The following DNAI3 variants were observed in gnomAD, a reference collection of about 807,000 sequenced individuals.
DNAI3 encodes dynein axonemal intermediate chain 3.
DNAI3 carries 83 observed loss-of-function variants against 115.5 expected under a neutral mutation model. That is an observed-to-expected ratio of 0.72 (90% confidence interval 0.60 to 0.86). The LOEUF (loss-of-function observed/expected upper bound fraction) is 0.86, where lower values mean the gene tolerates loss of function less well. Among genes scored for constraint, DNAI3 ranks in the 40% least tolerant of loss-of-function variants. DNAI3 has a pLI of 0.00. For synonymous variants in DNAI3, 320 were observed against 347.0 expected (o/e 0.92, Z 0.86); for missense variants, 1,004 against 1,075.8 (o/e 0.93, Z 0.93).
chr1:85,097,683 A>G, intron 12 of DNAI3, 28 bp downstream of exon 12: 2 of 1,588,416 alleles, frequency 1.3e-6, no homozygotes, highest in Non-Finnish European at 1.7e-6. Context: ...TTTCACTTGC[A>G]AGTTTTTTCC....
At chr1:85,132,407 C>T (rs989465602) in intron 22 of DNAI3, among the ~76,000 whole-genome samples, 2 of 152,224 alleles carry the variant, frequency 1.3e-5, no homozygotes, top group South Asian at 4.1e-4. Flanking sequence ...ATAATCACTG[C>T]TCTAGTTGCA....
chr1:85,088,664 C>T (rs1047462521), intron 7 of DNAI3, among the ~76,000 whole-genome samples: 1 of 152,114 alleles, frequency 6.6e-6, no homozygotes, highest in Admixed American at 6.6e-5. Context: ...AATAGAGAAA[C>T]TGAAGCAAAG....
chr1:85,090,851 G>T (rs1173900625), intron 8 of DNAI3, among the ~76,000 whole-genome samples: 1 of 152,110 alleles, frequency 6.6e-6, no homozygotes, highest in Non-Finnish European at 1.5e-5. Flanking sequence ...TTAGAGAAGT[G>T]GATCCACTGG....
At chr1:85,120,189 A>C (rs2100610300) in intron 17 of DNAI3, among the ~76,000 whole-genome samples, 1 of 152,320 alleles carries the variant, frequency 6.6e-6, no homozygotes, top group South Asian at 2.1e-4. Context: ...TTGGCAGTCC[A>C]TTGGAAGGTT....
intron 1 of DNAI3, among the ~76,000 whole-genome samples, chr1:85,067,930 A>T (rs1267312988): frequency 1.3e-5 from 2 of 152,250 alleles, no homozygotes; most frequent in African/African-American, 4.8e-5. Context: ...TCTGAACTAC[A>T]AAGCTGTAAG....
chr1:85,068,764 A>G (rs562265551), intron 1 of DNAI3, among the ~76,000 whole-genome samples: 99 of 152,296 alleles, frequency 6.5e-4, no homozygotes, highest in African/African-American at 2.3e-3. Context: ...AGAGGATCAT[A>G]CATTCCCACC....
intron 15 of DNAI3, 42 bp downstream of exon 15, chr1:85,108,219 A>G: frequency 1.1e-5 from 16 of 1,507,272 alleles, no homozygotes; most frequent in Non-Finnish European, 1.4e-5. Context: ...CTTGCATAAT[A>G]CACTATTTAC....
At chr1:85,126,929 C>T (rs1342635211) in intron 20 of DNAI3, among the ~76,000 whole-genome samples, 1 of 151,754 alleles carries the variant, frequency 6.6e-6, no homozygotes, top group Non-Finnish European at 1.5e-5. Context: ...CTCTCTTGGT[C>T]TCAAACTTTG....
At chr1:85,098,717 G>A (rs1655200230) in intron 13 of DNAI3, 59 bp downstream of exon 13, 1 of 1,586,002 alleles carries the variant, frequency 6.3e-7, no homozygotes, top group African/African-American at 1.4e-5. Flanking sequence ...CAGATTTTAT[G>A]CAAAGAAGAT....
chr1:85,085,647 T>C (rs1654779173), intron 6 of DNAI3, among the ~76,000 whole-genome samples, 184 bp from the exon 7 acceptor site: 1 of 152,166 alleles, frequency 6.6e-6, no homozygotes, highest in African/African-American at 2.4e-5. Context: ...GTGGTCCCAA[T>C]AGCCCTAGAG....
At chr1:85,069,688 C>G (rs1253936077) in intron 1 of DNAI3, among the ~76,000 whole-genome samples, 1 of 151,882 alleles carries the variant, frequency 6.6e-6, no homozygotes, top group Non-Finnish European at 1.5e-5. Flanking sequence ...CATACTCCAG[C>G]CTGGGCGACA....
intron 3 of DNAI3, among the ~76,000 whole-genome samples, chr1:85,077,497 A>G (rs1654494453): frequency 6.6e-6 from 1 of 152,126 alleles, no homozygotes; most frequent in Non-Finnish European, 1.5e-5. Flanking sequence ...TTTTTCTTTT[A>G]TGGAATACTT....
In DNAI3 at chr1:85,108,056, G is replaced by A; in HGVS notation, c.1577G>A (p.Arg526Lys). The A allele has an allele frequency of 6.3e-7, 1 of 1,592,620 alleles. No homozygotes were observed. Among genetic ancestry groups the A allele is most frequent in the Non-Finnish European group, 8.5e-7 (1 of 1,172,638 alleles). ...AGCACAATATGTTTTTGGGATATTA[G>A]ACCACAGAAACCTTTAACCCCCCAA... ...ADCTICFWDI[R>K]PQKPLTPQTT... The change falls in exon 15 of 23, where the codon AGA (arginine) becomes AAA (lysine). Residue 526 changes from arginine (R) to lysine (K), a missense_variant. Coordinates refer to ENST00000294664, the MANE Select transcript of DNAI3 (RefSeq NM_145172.5).
chr1:85,069,694 C>T (rs4301650), intron 1 of DNAI3, among the ~76,000 whole-genome samples: 29,199 of 151,692 alleles, frequency 0.19, 3,099 homozygotes, highest in South Asian at 0.27. Flanking sequence ...CCAGCCTGGG[C>T]GACAGAGCAA....
At position 85,097,622 on chromosome 1, in the gene DNAI3, A is replaced by G; in HGVS notation, c.1317A>G (p.Ala439=). ...CAGATCGCATAGAAAACATTAAGGC[A>G]GGTGGTAGTAGAAGTAAAAGAGCCA... The part of the protein sequence containing the change: ...AHADRIENIK[A]GGSRSKRATL... Residue 439 remains alanine (A), a synonymous_variant, in exon 12 of 23, where the codon GCA becomes GCG. Coordinates refer to ENST00000294664, the MANE Select transcript of DNAI3 (RefSeq NM_145172.5). 6.2e-7 allele frequency: 1 copy of G among 1,612,908 alleles called. No individual in the cohort carries two copies. Among genetic ancestry groups the G allele is most frequent in the Non-Finnish European group, 8.5e-7 (1 of 1,179,494 alleles).
rs1360960847 is a variant in DNAI3 at position 85,082,373 on chromosome 1, C to T, written c.359C>T (p.Ala120Val). 1 of 1,613,516 alleles carries T rather than the reference C, an allele frequency of 6.2e-7. No individual in the cohort carries two copies. The highest frequency in any genetic ancestry group is 8.5e-7 in the Non-Finnish European group (1 of 1,179,668). Residue 120 changes from alanine (A) to valine (V), a missense_variant, in exon 5 of 23, where the codon GCA (alanine) becomes GTA (valine). By Grantham distance (64) the Ala-to-Val change is moderately conservative. Transcript: ENST00000294664. The part of the protein sequence containing the change: ...FKYGLNFYLI[A>V]TEEGKENYLN... ...TATGGACTTAACTTTTATCTTATTGCAACTGAAGAGGGCAAAGAAAACTAT... is the reference window on the plus strand; with the variant it reads ...TATGGACTTAACTTTTATCTTATTGTAACTGAAGAGGGCAAAGAAAACTAT...
intron 4 of DNAI3, 59 bp downstream of exon 4, chr1:85,081,474 T>C: frequency 2.8e-6 from 4 of 1,445,582 alleles, no homozygotes; most frequent in Admixed American, 2.7e-5. Context: ...TGGTACATAA[T>C]AACAAAAGTT....
chr1:85,117,248 A>T (rs10782540), intron 16 of DNAI3, among the ~76,000 whole-genome samples: 20,491 of 151,876 alleles, frequency 0.13, 1,982 homozygotes, highest in African/African-American at 0.26. Flanking sequence ...CCAGTTTTTT[A>T]AAAAAAAGTG....
chr1:85,105,125 A>G (rs899357095), intron 14 of DNAI3, among the ~76,000 whole-genome samples: 3 of 152,224 alleles, frequency 2.0e-5, no homozygotes, highest in African/African-American at 7.2e-5. Flanking sequence ...TAGCATCCAA[A>G]TGTTGGACAA....
Sources: allele counts gnomAD v4.1 joint callset (sites outside exome capture counted in the v4.1 genomes callset), GRCh38; gene constraint gnomAD v4.1.1; transcripts MANE v1.5; gene names NCBI Gene and HGNC (gene_info 2026-07-23, HGNC 2026-07-21).